The following MPZL1 variants were observed in gnomAD, a reference collection of about 807,000 sequenced individuals.
The protein encoded by MPZL1 is myelin protein zero like 1, also known as myelin protein zero-like protein 1.
MPZL1 carries 16 observed loss-of-function variants against 29.3 expected under a neutral mutation model. The ratio of observed to expected loss-of-function variants is 0.55; its 90% CI spans 0.37 to 0.83. The LOEUF is 0.83. MPZL1 is among the 40% of genes least tolerant of loss of function. The pLI is 0.00. For missense variants in MPZL1, 279 were observed against 332.9 expected (o/e 0.84, Z 1.26); for synonymous variants, 143 against 132.0 (o/e 1.08, Z -0.57).
intron 2 of MPZL1, 25 bp from the exon 3 acceptor site, chr1:167,772,250 A>C: frequency 6.4e-7 from 1 of 1,563,688 alleles, no homozygotes; most frequent in Non-Finnish European, 8.8e-7. Flanking sequence ...AGAATAGTTC[A>C]TGTGTTCCTT....
intron 5 of MPZL1, among the ~76,000 whole-genome samples, chr1:167,780,045 GA>G (rs1436400612): frequency 6.6e-6 from 1 of 152,156 alleles, no homozygotes; most frequent in African/African-American, 2.4e-5. Flanking sequence ...AGTAGAGCTT[GA>G]AAATAAGTAA....
intron 5 of MPZL1, among the ~76,000 whole-genome samples, chr1:167,781,436 A>G (rs767099497): frequency 2.6e-5 from 4 of 152,170 alleles, no homozygotes; most frequent in Non-Finnish European, 5.9e-5. Flanking sequence ...ACAGAAATCA[A>G]CAGAAAGATA....
At chr1:167,736,772 G>A (rs1313725918) in intron 1 of MPZL1, among the ~76,000 whole-genome samples, 1 of 152,088 alleles carries the variant, frequency 6.6e-6, no homozygotes, top group Non-Finnish European at 1.5e-5. Context: ...CTCTCTAATG[G>A]TAGTCATCTT....
At chr1:167,742,622 C>T (rs1020403789) in intron 1 of MPZL1, among the ~76,000 whole-genome samples, 2 of 152,128 alleles carry the variant, frequency 1.3e-5, no homozygotes, top group Non-Finnish European at 2.9e-5. Context: ...CCTTTTGCCA[C>T]ACAAAAGCTC....
chr1:167,744,840 G>T (rs530110816), intron 1 of MPZL1, among the ~76,000 whole-genome samples: 1 of 152,112 alleles, frequency 6.6e-6, no homozygotes, highest in African/African-American at 2.4e-5. Flanking sequence ...TTGGGAGTAA[G>T]ATCAAAACAG....
intron 5 of MPZL1, among the ~76,000 whole-genome samples, chr1:167,781,480 A>C (rs1029176896): frequency 1.3e-5 from 2 of 152,188 alleles, no homozygotes; most frequent in Non-Finnish European, 2.9e-5. Context: ...AAATTGAACA[A>C]CCCATGAGTA....
intron 5 of MPZL1, among the ~76,000 whole-genome samples, chr1:167,779,907 T>C (rs575492032): frequency 6.6e-6 from 1 of 152,164 alleles, no homozygotes; most frequent in Admixed American, 6.5e-5. Context: ...AAATGGTAAA[T>C]GCGGATGGTA....
intron 5 of MPZL1, among the ~76,000 whole-genome samples, chr1:167,778,523 A>AGGAT (rs10666527): frequency 0.26 from 37,916 of 147,234 alleles, 5,154 homozygotes; most frequent in Middle Eastern, 0.35. Flanking sequence ...GAAGGAAGGA[A>AGGAT]GGATGGATGG....
chr1:167,769,941 A>G (rs893839727), intron 2 of MPZL1, among the ~76,000 whole-genome samples: 20 of 152,246 alleles, frequency 1.3e-4, no homozygotes, highest in African/African-American at 4.3e-4. Context: ...AGGAAGAAAG[A>G]GAATCAAGGA....
chr1:167,765,534 T>C (rs778230265), intron 1 of MPZL1, 49 bp from the exon 2 acceptor site: 6 of 1,502,174 alleles, frequency 4.0e-6, no homozygotes, highest in Non-Finnish European at 3.6e-6. Context: ...TGCACAGTGG[T>C]ATTCATGTTA....
At chr1:167,761,837 G>C (rs112714418) in intron 1 of MPZL1, among the ~76,000 whole-genome samples, 3,696 of 152,288 alleles carry the variant, frequency 0.024, 149 homozygotes, top group African/African-American at 0.084. Context: ...AGAGGTTCCA[G>C]GTGAAGGCCC....
intron 2 of MPZL1, among the ~76,000 whole-genome samples, chr1:167,768,046 T>C (rs1231151802): frequency 6.6e-6 from 1 of 152,088 alleles, no homozygotes; most frequent in East Asian, 1.9e-4. Flanking sequence ...ATGTTAACTG[T>C]GTGCCTGGTC....
chr1:167,730,951 T>G (rs1476200638), intron 1 of MPZL1, among the ~76,000 whole-genome samples: 1 of 152,232 alleles, frequency 6.6e-6, no homozygotes, highest in Non-Finnish European at 1.5e-5. Flanking sequence ...CTGTTAACTC[T>G]TGGGAACTTT....
chr1:167,784,213 C>G (rs1661546645), intron 5 of MPZL1, among the ~76,000 whole-genome samples: 2 of 152,118 alleles, frequency 1.3e-5, no homozygotes, highest in Non-Finnish European at 2.9e-5. Flanking sequence ...CTAGTTGTAA[C>G]TAAAATAATA....
chr1:167,746,360 G>T (rs1302496688), intron 1 of MPZL1, among the ~76,000 whole-genome samples: 2 of 151,418 alleles, frequency 1.3e-5, no homozygotes, highest in African/African-American at 2.4e-5. Context: ...GCCTTTGAAA[G>T]GCTCTGTGTG....
rs1021574795 is a variant in MPZL1 at position 167,790,771 on chromosome 1, ATCT to A, written c.*2853_*2855del. On this transcript the variant is annotated 3_prime_UTR_variant, in exon 6 of 6. Transcript: ENST00000359523. ...CCATCAAGCTCATTATTATTTTTTG[ATCT>A]TCAGTTGTATTTTTGTGAATATTTT... 9 of 152,092 alleles carry A rather than the reference ATCT, an allele frequency of 5.9e-5. No homozygotes were observed. The highest frequency in any genetic ancestry group is 2.2e-4 in the African/African-American group (9 of 41,414). The allele number at this position is 152,092 out of a possible 1,614,324, so 9.4% of individuals were successfully genotyped here. A position where few individuals can be genotyped will look rare whatever the true frequency, so the allele number is the denominator to read the frequency against.
intron 1 of MPZL1, among the ~76,000 whole-genome samples, chr1:167,754,111 G>A (rs906705920): frequency 2.0e-5 from 3 of 151,702 alleles, no homozygotes; most frequent in Admixed American, 6.6e-5. Context: ...AATCCTCCCC[G>A]CTCAGCCTCC....
intron 1 of MPZL1, among the ~76,000 whole-genome samples, chr1:167,743,148 A>G (rs1208256583): frequency 1.3e-5 from 2 of 151,564 alleles, no homozygotes; most frequent in East Asian, 3.8e-4. Context: ...GTGAAAACTG[A>G]TGGTGGTATT....
chr1:167,734,289 C>G (rs923018313), intron 1 of MPZL1, among the ~76,000 whole-genome samples: 2 of 152,090 alleles, frequency 1.3e-5, no homozygotes, highest in Non-Finnish European at 2.9e-5. Flanking sequence ...CTGTAACACT[C>G]CAGTCTCCCT....
Sources: allele counts gnomAD v4.1 joint callset (sites outside exome capture counted in the v4.1 genomes callset), GRCh38; gene constraint gnomAD v4.1.1; transcripts MANE v1.5; gene names NCBI Gene and HGNC (gene_info 2026-07-23, HGNC 2026-07-21).